PGBD1: variants seen among roughly 807,000 people sequenced by gnomAD.
The protein encoded by PGBD1 is piggyBac transposable element-derived protein 1.
PGBD1 carries 25 observed loss-of-function variants against 34.7 expected under a neutral mutation model. That is an observed-to-expected ratio of 0.72 (90% CI 0.52 to 1.00). The LOEUF is 1.00. Ranked by LOEUF, PGBD1 falls within the 50% of genes least tolerant of loss-of-function variation. PGBD1 has a pLI of 0.00. For synonymous variants in PGBD1, 292 were observed against 335.7 expected (o/e 0.87, Z 1.42); for missense variants, 830 against 959.4 (o/e 0.87, Z 1.78).
Position 28,281,673 on chromosome 6 carries a change from G to A in PGBD1, c.-284G>A, listed in dbSNP as rs1451565601. On this transcript the variant is annotated 5_prime_UTR_variant, in exon 1 of 7. Coordinates refer to ENST00000682144, the MANE Select transcript of PGBD1 (RefSeq NM_032507.4). ...CGGCGCTCCCGACAGGGGAGCACCG[G>A]GCCTCTGAGCTCCCTCGGGAGCCTT... The A allele has an allele frequency of 2.5e-5, 9 of 354,872 alleles. No individual in the cohort carries two copies. In the Admixed American group the frequency reaches 4.2e-4, roughly 17 times the overall value. 22.0% of individuals were successfully genotyped at this position (354,872 alleles called of 1,614,324 possible).
At position 28,302,501 on chromosome 6, in the gene PGBD1, A is replaced by G. The variant is rs1397948901; in HGVS notation, c.*217A>G. On this transcript the variant is annotated 3_prime_UTR_variant, in exon 7 of 7. Transcript: ENST00000682144. ...ATGTTGAACTGTAGTACCTTTCTCTATGTCAAGTTTTGTGTCAGACATGGG... is the reference window on the plus strand; with the variant it reads ...ATGTTGAACTGTAGTACCTTTCTCTGTGTCAAGTTTTGTGTCAGACATGGG... The G allele has an allele frequency of 3.9e-5, 19 of 489,720 alleles. No individual in the cohort carries two copies. Among genetic ancestry groups the G allele is most frequent in the African/African-American group, 1.6e-4 (8 of 50,808 alleles). The allele number at this position is 489,720 out of a possible 1,614,324, so 30.3% of individuals were successfully genotyped here. A position where few individuals can be genotyped will look rare whatever the true frequency, so the allele number is the denominator to read the frequency against.
intron 4 of PGBD1, among the ~76,000 whole-genome samples, chr6:28,289,021 A>G (rs1762370398): frequency 6.6e-6 from 1 of 151,940 alleles, no homozygotes; most frequent in African/African-American, 2.4e-5. Flanking sequence ...TTAAAAATAA[A>G]TTTTAAAAAT....
chr6:28,291,634 A>T (rs567677782), intron 4 of PGBD1, among the ~76,000 whole-genome samples: 104 of 152,130 alleles, frequency 6.8e-4, no homozygotes, highest in African/African-American at 2.4e-3. Context: ...CCAAAACTAG[A>T]CTAGGATACA....
At chr6:28,296,678 A>G in intron 4 of PGBD1, 138 bp from the exon 5 acceptor site, 1 of 926,242 alleles carries the variant, frequency 1.1e-6, no homozygotes, top group South Asian at 1.6e-5. Flanking sequence ...TGTTATAACC[A>G]GAAAGGTTCC....
chr6:28,281,950 G>A, intron 1 of PGBD1, 32 bp downstream of exon 1: 1 of 152,292 alleles, frequency 6.6e-6, no homozygotes, highest in Non-Finnish European at 1.5e-5. Flanking sequence ...TCTATGCAGA[G>A]ATAAACTCCT....
In PGBD1 at chr6:28,284,038, G is replaced by T; in HGVS notation, c.225G>T (p.Pro75=). 6.2e-7 allele frequency: 1 copy of T among 1,614,104 alleles called. No homozygotes were observed. Among genetic ancestry groups the T allele is most frequent in the Non-Finnish European group, 8.5e-7 (1 of 1,180,002 alleles). ...AACTTTGTCATCAATGGCTGAGACC[G>T]GAGATGCACACCAAGGAACAGATAA... The part of the protein sequence containing the change: ...LRELCHQWLR[P]EMHTKEQIME... The change falls in exon 2 of 7, where the codon CCG becomes CCT. Residue 75 remains proline, a synonymous_variant. Transcript: ENST00000682144.
At chr6:28,282,440 A>G (rs574353425) in intron 1 of PGBD1, among the ~76,000 whole-genome samples, 128 of 152,322 alleles carry the variant, frequency 8.4e-4, no homozygotes, top group Non-Finnish European at 1.4e-3. Flanking sequence ...TGTGTGAGGT[A>G]TGTTGAATAT....
In PGBD1 at chr6:28,297,816, GT is replaced by G. The variant is rs368634720; in HGVS notation, c.773-50del. 3.9e-3 allele frequency: 1,382 copies of G among 350,452 alleles called. 4 individuals are homozygous for G. The highest frequency in any genetic ancestry group is 8.3e-3 in the African/African-American group (186 of 22,302). 21.7% of individuals were successfully genotyped at this position (350,452 alleles called of 1,614,324 possible). The stretch of plus-strand genomic sequence containing the variant: ...GGAACATCTATTCCCTACCCTGGAA[GT>G]TTTTTTTTTTTTTTTTTTTTTTTTT... On this transcript the variant is annotated intron_variant, in intron 5 of 6. Transcript: ENST00000682144.
At chr6:28,284,422 TCC>T (rs34279830) in intron 2 of PGBD1, among the ~76,000 whole-genome samples, 58 of 149,392 alleles carry the variant, frequency 3.9e-4, no homozygotes, top group South Asian at 1.7e-3. Flanking sequence ...GGAAGTGCAT[TCC>T]CCCCCCCCAA....
At position 28,300,514 on chromosome 6, in the gene PGBD1, T is replaced by A. The variant is rs1396836549; in HGVS notation, c.870-210T>A. On this transcript the variant is annotated intron_variant, in intron 6 of 6. Coordinates refer to ENST00000682144, the MANE Select transcript of PGBD1 (RefSeq NM_032507.4). This position sits in a 1 kb window ranked among gnomAD's most constrained non-coding sequence, Gnocchi z 4.0. ...AGTTATTTCTCCCAGGCTCAACAGT[T>A]AGTTCCATCCTGAGGAGTGAGTGAG... Among the ~76,000 whole-genome samples the A allele has an allele frequency of 1.3e-5, 2 of 152,128 alleles. No individual in the cohort carries two copies. Among genetic ancestry groups the A allele is most frequent in the Non-Finnish European group, 2.9e-5 (2 of 68,024 alleles).
At chr6:28,289,939 T>C (rs1762395428) in intron 4 of PGBD1, among the ~76,000 whole-genome samples, 1 of 152,244 alleles carries the variant, frequency 6.6e-6, no homozygotes, top group Non-Finnish European at 1.5e-5. Flanking sequence ...ATTTGGGATC[T>C]AAGATAAGTT....
chr6:28,286,658 C>T (rs1762292563), intron 3 of PGBD1, among the ~76,000 whole-genome samples: 1 of 152,056 alleles, frequency 6.6e-6, no homozygotes, highest in African/African-American at 2.4e-5. Context: ...CTGTCTCTCT[C>T]TCCATCTTCC....
chr6:28,284,910 A>C (rs1389496619), intron 2 of PGBD1, among the ~76,000 whole-genome samples: 1 of 152,196 alleles, frequency 6.6e-6, no homozygotes, highest in African/African-American at 2.4e-5. Context: ...TTACGATACT[A>C]TCATATAACC....
Position 28,300,627 on chromosome 6 carries a change from A to AC in PGBD1, c.870-93dup. On this transcript the variant is annotated intron_variant, in intron 6 of 6. Coordinates refer to ENST00000682144, the MANE Select transcript of PGBD1 (RefSeq NM_032507.4). The surrounding 1 kb of genome is among the most constrained non-coding windows in gnomAD (Gnocchi z 4.0). ...AATAAGTAAGTATCCCCCCACACCC[A>AC]CCCCAAGCCCCAAAAGATTTAAGCT... 7.7e-7 allele frequency: 1 copy of AC among 1,291,664 alleles called. No homozygotes were observed. The highest frequency in any genetic ancestry group is 1.1e-6 in the Non-Finnish European group (1 of 945,338). The allele number at this position is 1,291,664 out of a possible 1,614,324, so 80.0% of individuals were successfully genotyped here. A position where few individuals can be genotyped will look rare whatever the true frequency, so the allele number is the denominator to read the frequency against.
At chr6:28,297,172 C>T (rs762621481) in intron 5 of PGBD1, among the ~76,000 whole-genome samples, 45 of 152,206 alleles carry the variant, frequency 3.0e-4, no homozygotes, top group Non-Finnish European at 5.7e-4. Flanking sequence ...CTTCTCTGAT[C>T]ATCTCTTCTA....
At chr6:28,294,475 C>G (rs1405234944) in intron 4 of PGBD1, among the ~76,000 whole-genome samples, 1 of 152,170 alleles carries the variant, frequency 6.6e-6, no homozygotes, top group Non-Finnish European at 1.5e-5. Flanking sequence ...ACTTTGATTG[C>G]TAGAGAGGAG....
chr6:28,292,222 CTAAG>C (rs1436713676), intron 4 of PGBD1, among the ~76,000 whole-genome samples: 2 of 152,068 alleles, frequency 1.3e-5, no homozygotes, highest in African/African-American at 2.4e-5. Context: ...GATAAACAAA[CTAAG>C]TAAAGTTGCA....
chr6:28,282,402 T>C (rs34878803), intron 1 of PGBD1, among the ~76,000 whole-genome samples: 9,442 of 152,302 alleles, frequency 0.062, 376 homozygotes, highest in Non-Finnish European at 0.088. Flanking sequence ...TCAACGAGTT[T>C]AATGAAAACT....
At chr6:28,294,909 G>A (rs6905391) in intron 4 of PGBD1, among the ~76,000 whole-genome samples, 29,284 of 152,102 alleles carry the variant, frequency 0.19, 3,664 homozygotes, top group African/African-American at 0.35. Flanking sequence ...TATTATTTGA[G>A]AAATACATTT....
Sources: gnomAD v4.1 joint callset for allele counts (sites outside exome capture counted in the v4.1 genomes callset) on GRCh38, gnomAD v4.1.1 for gene constraint, Gnocchi (gnomAD v3.1) non-coding constraint, MANE v1.5 for transcripts, NCBI Gene and HGNC (gene_info 2026-07-23, HGNC 2026-07-21) for gene names.